The following PDE1C variants were observed in gnomAD, a reference collection of about 807,000 sequenced individuals.
PDE1C encodes the protein phosphodiesterase 1C.
PDE1C carries 62 observed loss-of-function variants against 93.1 expected under a neutral mutation model. The observed-to-expected ratio is 0.67, with a 90% CI of 0.54 to 0.82. The LOEUF is 0.82. Ranked by LOEUF, PDE1C falls within the 40% of genes least tolerant of loss-of-function variation. The pLI, the probability that PDE1C is intolerant of heterozygous loss-of-function variation, is 0.00. For synonymous variants in PDE1C, 325 were observed against 310.1 expected (o/e 1.05, Z -0.50); for missense variants, 742 against 884.6 (o/e 0.84, Z 2.04).
upstream of PDE1C, among the ~76,000 whole-genome samples, chr7:32,304,262 C>A (rs182973795): frequency 1.3e-5 from 2 of 152,374 alleles, no homozygotes; most frequent in Admixed American, 1.3e-4. Context: ...TGCACTCATA[C>A]TGCCTGTTTG....
At chr7:31,619,641 T>C in the PDE1C span, among the ~76,000 whole-genome samples, 4 of 152,052 alleles carry the variant, frequency 2.6e-5, no homozygotes. Context: ...GATGGCCGAA[T>C]AGGAACAGCT....
intron 2 of PDE1C, among the ~76,000 whole-genome samples, chr7:32,201,259 C>T (rs73689066): frequency 0.047 from 7,118 of 152,244 alleles, 206 homozygotes; most frequent in African/African-American, 0.078. Flanking sequence ...TGTCTCTTGC[C>T]GAAACCTAAA....
intron 2 of PDE1C, among the ~76,000 whole-genome samples, chr7:32,185,731 A>T (rs1803807166): frequency 6.6e-6 from 1 of 152,154 alleles, no homozygotes; most frequent in Non-Finnish European, 1.5e-5. Flanking sequence ...CTTCTTTCCA[A>T]CATGATGGCC....
At position 32,243,848 on chromosome 7, in the gene PDE1C, G is replaced by A. The variant is rs60704162; in HGVS notation, c.86-34309C>T. On this transcript the variant is annotated intron_variant, in intron 1 of 18. Coordinates refer to the PDE1C transcript ENST00000396193. ...TGCAGTAAGAGGACAAGAGAATGTG[G>A]GTGTTCCTGATACGAAGGACACTTA... 9.7e-3 allele frequency among the ~76,000 whole-genome samples: 1,472 copies of A among 152,260 alleles called. 29 individuals carry two copies. The highest frequency in any genetic ancestry group is 0.034 in the African/African-American group (1,425 of 41,534).
chr7:32,344,754 G>A (rs77064490), intron 1 of PDE1C, among the ~76,000 whole-genome samples: 9,700 of 151,548 alleles, frequency 0.064, 374 homozygotes, highest in Non-Finnish European at 0.09. Flanking sequence ...TTTATGTATT[G>A]TCTGTCTTCC....
chr7:32,417,487 C>T (rs931972322), intron 1 of PDE1C, among the ~76,000 whole-genome samples: 2 of 151,886 alleles, frequency 1.3e-5, no homozygotes, highest in Non-Finnish European at 2.9e-5. Context: ...TTTTTGCATC[C>T]CCATTTTACA....
rs192221243 is a variant in PDE1C at position 32,346,508 on chromosome 7, C to T, written c.310+81314G>A. ...TGGTGAGTCATGGGCCCCCAGGTGC[C>T]TGTAAGGGTCTACACTCACCTTGAG... On this transcript the variant is annotated intron_variant, in intron 1 of 1. Coordinates refer to the PDE1C transcript ENST00000672256. 3.2e-4 allele frequency among the ~76,000 whole-genome samples: 49 copies of T among 152,328 alleles called. No individual in the cohort carries two copies. In the East Asian group the frequency reaches 7.9e-3, roughly 25 times the overall value.
At chr7:32,366,994 A>T (rs933459907) in intron 1 of PDE1C, among the ~76,000 whole-genome samples, 1 of 152,082 alleles carries the variant, frequency 6.6e-6, no homozygotes, top group African/African-American at 2.4e-5. Flanking sequence ...GCACCATTGC[A>T]CTCCAGCCTG....
chr7:32,204,866 A>G (rs920321742), intron 2 of PDE1C, among the ~76,000 whole-genome samples: 2 of 152,244 alleles, frequency 1.3e-5, no homozygotes, highest in African/African-American at 2.4e-5. Context: ...TTCCTTCCAC[A>G]TGCTGTATTG....
At position 32,266,347 on chromosome 7, in the gene PDE1C, T is replaced by C. The variant is rs1441717830; in HGVS notation, c.85+32304A>G. Among the ~76,000 whole-genome samples, 5 of 149,244 alleles carry C rather than the reference T, an allele frequency of 3.4e-5. No individual in the cohort carries two copies. The East Asian group carries it at 7.9e-4, about 24-fold the overall frequency. ...GCCTGCCATAAGCCCTGGAACCCAG[T>C]TGAGAACAAGTGGGACAAAATCCCT... On this transcript the variant is annotated intron_variant, in intron 1 of 18. Transcript: ENST00000396193.
chr7:31,999,394 T>C (rs925533422), intron 2 of PDE1C, among the ~76,000 whole-genome samples: 2 of 152,168 alleles, frequency 1.3e-5, no homozygotes, highest in African/African-American at 4.8e-5. Flanking sequence ...CACACACTAT[T>C]ACAACTCCGT....
chr7:32,228,252 TAC>T (rs1187733805), intron 1 of PDE1C, among the ~76,000 whole-genome samples: 1 of 152,162 alleles, frequency 6.6e-6, no homozygotes, highest in Non-Finnish European at 1.5e-5. Context: ...TTGTGTTTCT[TAC>T]AGAGGTAATG....
intron 1 of PDE1C, among the ~76,000 whole-genome samples, chr7:32,252,965 T>C (rs983673243): frequency 6.6e-6 from 1 of 152,180 alleles, no homozygotes; most frequent in African/African-American, 2.4e-5. Flanking sequence ...CTTGAGACCA[T>C]ACTTTGAGTA....
intron 2 of PDE1C, among the ~76,000 whole-genome samples, chr7:31,970,290 A>G (rs1810755738): frequency 2.6e-5 from 4 of 152,220 alleles, no homozygotes. Context: ...ATGCTTTAAT[A>G]TGAAACCAGA....
At chr7:31,750,148 C>T (rs1357827953), downstream of PDE1C, among the ~76,000 whole-genome samples, 1 of 152,012 alleles carries the variant, frequency 6.6e-6, no homozygotes, top group African/African-American at 2.4e-5. Flanking sequence ...AAGAATAAAG[C>T]AATTAATTGT....
In PDE1C at chr7:32,310,479, C is replaced by A. The variant is rs562750425; in HGVS notation, c.311-100940G>T. The stretch of plus-strand genomic sequence containing the variant: ...TTTCAGCACTACACCACATCTATTC[C>A]AAAATTGACCACATACTTGGAAGTA... On this transcript the variant is annotated intron_variant, in intron 1 of 1. Transcript: ENST00000672256. Among the ~76,000 whole-genome samples the A allele has an allele frequency of 6.3e-3, 955 of 152,200 alleles. 9 individuals are homozygous for A. Among genetic ancestry groups the A allele is most frequent in the Non-Finnish European group, 9.2e-3 (628 of 68,010 alleles).
intron 1 of PDE1C, among the ~76,000 whole-genome samples, chr7:32,273,081 T>C (rs1011816298): frequency 6.6e-6 from 1 of 152,198 alleles, no homozygotes; most frequent in Non-Finnish European, 1.5e-5. Context: ...AAAGAAGTGC[T>C]CTAGCTACTG....
intron 1 of PDE1C, among the ~76,000 whole-genome samples, chr7:32,422,689 A>C (rs1181025601): frequency 6.6e-6 from 1 of 152,216 alleles, no homozygotes; most frequent in Non-Finnish European, 1.5e-5. Flanking sequence ...ATGACAGCAC[A>C]TACCAATCTT....
chr7:32,190,550 G>A lies in PDE1C; in HGVS notation c.136+18939C>T, dbSNP rs375201069. ...TAATGCATCTGAATTCTGTCTAGTA[G>A]AGTAACTGAGTATGAATCTCTAAGA... is the stretch of plus-strand genomic sequence containing the variant. On this transcript the variant is annotated intron_variant, in intron 2 of 18. Transcript: ENST00000396193. 2.9e-4 allele frequency among the ~76,000 whole-genome samples: 44 copies of A among 152,338 alleles called. No individual in the cohort carries two copies. The South Asian group carries it at 8.1e-3, about 28-fold the overall frequency.
Sources: gnomAD v4.1 joint callset for allele counts (sites outside exome capture counted in the v4.1 genomes callset) on GRCh38, gnomAD v4.1.1 for gene constraint, MANE v1.5 for transcripts, NCBI Gene and HGNC (gene_info 2026-07-23, HGNC 2026-07-21) for gene names.